The following ZNF292 variants were observed in gnomAD, a reference collection of about 807,000 sequenced individuals.
ZNF292 encodes zinc finger protein 292.
In ZNF292, 26 loss-of-function variants were observed where a neutral mutation model predicts 217.9. The ratio of observed to expected loss-of-function variants is 0.12; its 90% CI spans 0.09 to 0.17. The LOEUF is 0.17. Ranked by LOEUF, ZNF292 falls within the 10% of genes least tolerant of loss-of-function variation. ZNF292 has a pLI of 1.00. For missense variants in ZNF292, 2,904 were observed against 3,175.2 expected, an observed-to-expected ratio of 0.91 and a Z score of 2.05; for synonymous variants, 1,257 against 1,124.1, an observed-to-expected ratio of 1.12 and a Z score of -2.37.
chr6:87,186,410 C>T (rs1031519472), intron 1 of ZNF292, among the ~76,000 whole-genome samples: 11 of 151,866 alleles, frequency 7.2e-5, no homozygotes, highest in African/African-American at 2.7e-4. Context: ...TTCTCCAGTC[C>T]TCTTTCTCAA....
At chr6:87,200,703 A>G (rs1370680894) in intron 1 of ZNF292, among the ~76,000 whole-genome samples, 1 of 152,218 alleles carries the variant, frequency 6.6e-6, no homozygotes, top group Non-Finnish European at 1.5e-5. Flanking sequence ...TCAGAATGCT[A>G]CAAAGAGAGT....
At chr6:87,252,173 CGTT>C (rs1208761697) in intron 7 of ZNF292, among the ~76,000 whole-genome samples, 4 of 150,738 alleles carry the variant, frequency 2.7e-5, no homozygotes, top group Non-Finnish European at 5.9e-5. Context: ...TTTTTTGAGA[CGTT>C]GTTTTGCTCT....
At chr6:87,191,910 C>A (rs953903785) in intron 1 of ZNF292, among the ~76,000 whole-genome samples, 1 of 152,162 alleles carries the variant, frequency 6.6e-6, no homozygotes, top group South Asian at 2.1e-4. Context: ...GATCCACCCC[C>A]CTTGGCCTCC....
chr6:87,257,303 G>T lies in ZNF292; in HGVS notation c.3674G>T (p.Gly1225Val), dbSNP rs939961881. ...TCTCAGGATAAAAATGAACAAGGTG[G>T]TATGTTATGTTCCCAAATGGAAAAT... ...ITSQDKNEQG[G>V]MLCSQMENLP... Residue 1225 changes from glycine (G) to valine (V), a missense_variant, in exon 8 of 8, where the codon GGT becomes GTT. Coordinates refer to ENST00000369577, the MANE Select transcript of ZNF292 (RefSeq NM_015021.3). 6 of 1,613,632 alleles carry T rather than the reference G, an allele frequency of 3.7e-6. No individual in the cohort carries two copies. Among genetic ancestry groups the T allele is most frequent in the Non-Finnish European group, 5.1e-6 (6 of 1,179,754 alleles).
chr6:87,156,903 TGAG>T (rs939409465), intron 1 of ZNF292, among the ~76,000 whole-genome samples: 8 of 152,292 alleles, frequency 5.3e-5, no homozygotes, highest in Non-Finnish European at 1.2e-4. Flanking sequence ...TTGATTGTCT[TGAG>T]GAGGAAAAAG....
chr6:87,165,803 G>C (rs868423703), intron 1 of ZNF292, among the ~76,000 whole-genome samples: 1 of 141,970 alleles, frequency 7.0e-6, no homozygotes, highest in East Asian at 2.0e-4. Flanking sequence ...TTGTCTCCCA[G>C]GCTGGAGTGC....
intron 1 of ZNF292, among the ~76,000 whole-genome samples, chr6:87,195,733 A>G (rs1197839796): frequency 6.6e-6 from 1 of 152,192 alleles, no homozygotes; most frequent in East Asian, 1.9e-4. Flanking sequence ...AACATTAGAA[A>G]AATTGAGAAC....
At chr6:87,163,259 G>T (rs1770811923) in intron 1 of ZNF292, among the ~76,000 whole-genome samples, 1 of 152,094 alleles carries the variant, frequency 6.6e-6, no homozygotes, top group African/African-American at 2.4e-5. Flanking sequence ...AGACCATCCT[G>T]GCTAACATGG....
chr6:87,243,110 G>T (rs561114272), intron 5 of ZNF292, among the ~76,000 whole-genome samples: 28 of 151,518 alleles, frequency 1.8e-4, no homozygotes, highest in Non-Finnish European at 3.1e-4. Flanking sequence ...AAAAATAAAA[G>T]TACTGCATTT....
At chr6:87,236,040 T>A (rs920070781) in intron 5 of ZNF292, among the ~76,000 whole-genome samples, 1 of 152,250 alleles carries the variant, frequency 6.6e-6, no homozygotes, top group Non-Finnish European at 1.5e-5. Context: ...TAGAAACTTA[T>A]TCATTGTTCC....
In ZNF292 at chr6:87,258,528, A is replaced by G; in HGVS notation, c.4899A>G (p.Lys1633=). 1 of 1,613,694 alleles carries G rather than the reference A, an allele frequency of 6.2e-7. No individual in the cohort carries two copies. The highest frequency in any genetic ancestry group is 8.5e-7 in the Non-Finnish European group (1 of 1,179,772). The change falls in exon 8 of 8, where the codon AAA becomes AAG. Residue 1633 remains lysine, a synonymous_variant. Coordinates refer to ENST00000369577, the MANE Select transcript of ZNF292 (RefSeq NM_015021.3). ...ACAGTGCTTCTAAGAGAAGAAAGAA[A>G]GTTGCTCCTCCACTAATTGCACCTA... ...KGNSASKRRK[K]VAPPLIAPNA...
intron 3 of ZNF292, among the ~76,000 whole-genome samples, chr6:87,217,596 G>A (rs143857423): frequency 9.1e-4 from 139 of 152,100 alleles, no homozygotes; most frequent in Non-Finnish European, 1.6e-3. Context: ...GATTTTGTTT[G>A]CCAACGTAAG....
intron 1 of ZNF292, among the ~76,000 whole-genome samples, chr6:87,208,949 T>C (rs1772360403): frequency 6.6e-6 from 1 of 152,234 alleles, no homozygotes; most frequent in South Asian, 2.1e-4. Context: ...TTTCCTTGAC[T>C]GTGTCCAAAC....
At chr6:87,186,617 G>T (rs1771664525) in intron 1 of ZNF292, among the ~76,000 whole-genome samples, 2 of 152,326 alleles carry the variant, frequency 1.3e-5, no homozygotes, top group East Asian at 1.9e-4. Context: ...AGTGGCTCAT[G>T]CCTGTAATCC....
In ZNF292 at chr6:87,192,930, T is replaced by C. The variant is rs139404839; in HGVS notation, c.169-22973T>C. The stretch of plus-strand genomic sequence containing the variant: ...GGATCTTAATGGATAAGGAATAGAT[T>C]TGACCAGGAATGTGTTCAATTACTG... On this transcript the variant is annotated intron_variant, in intron 1 of 7. Coordinates refer to ENST00000369577, the MANE Select transcript of ZNF292 (RefSeq NM_015021.3). Among the ~76,000 whole-genome samples the C allele has an allele frequency of 3.6e-3, 551 of 152,334 alleles. 2 individuals carry two copies. The highest frequency in any genetic ancestry group is 0.013 in the African/African-American group (521 of 41,572).
intron 4 of ZNF292, among the ~76,000 whole-genome samples, chr6:87,226,631 A>G (rs1280088950): frequency 1.5e-5 from 2 of 130,944 alleles, no homozygotes; most frequent in Non-Finnish European, 3.1e-5. Context: ...TAGTGTGTGT[A>G]TATATATCTA....
At chr6:87,214,821 CACTT>C (rs1772661477) in intron 1 of ZNF292, among the ~76,000 whole-genome samples, 1 of 152,116 alleles carries the variant, frequency 6.6e-6, no homozygotes, top group African/African-American at 2.4e-5. Context: ...TTCGTCTAAT[CACTT>C]ACTAATTCTG....
Position 87,243,597 on chromosome 6 carries a change from T to C in ZNF292, c.864T>C (p.Asp288=). ...AFLSRQLQQG[D]MYCAWELTLF... is the part of the protein sequence containing the mutation. ...TGTCACGTCAGCTCCAACAAGGAGA[T>C]ATGTACTGCGCTTGGTGAGTTGATC... is the stretch of plus-strand genomic sequence containing the variant. The change falls in exon 6 of 8, where the codon GAT becomes GAC. Residue 288 remains aspartate, a synonymous_variant. Transcript: ENST00000369577. 6.5e-7 allele frequency: 1 copy of C among 1,538,138 alleles called. No homozygotes were observed. Among genetic ancestry groups the C allele is most frequent in the Non-Finnish European group, 8.8e-7 (1 of 1,142,374 alleles).
At chr6:87,219,777 T>G (rs1465333324) in intron 4 of ZNF292, among the ~76,000 whole-genome samples, 1 of 152,248 alleles carries the variant, frequency 6.6e-6, no homozygotes, top group Admixed American at 6.5e-5. Flanking sequence ...AGCTACAGTG[T>G]TCTCGAGACC....
Sources: gnomAD v4.1 joint callset for allele counts (sites outside exome capture counted in the v4.1 genomes callset) on GRCh38, gnomAD v4.1.1 for gene constraint, MANE v1.5 for transcripts, NCBI Gene and HGNC (gene_info 2026-07-23, HGNC 2026-07-21) for gene names.